SCNN1A: variants seen among roughly 807,000 people sequenced by gnomAD.
The protein encoded by SCNN1A is epithelial sodium channel subunit alpha.
In SCNN1A, 65 loss-of-function variants were observed where a neutral mutation model predicts 68.6. That is an observed-to-expected ratio of 0.95 (90% CI 0.78 to 1.16). SCNN1A has a LOEUF of 1.16. Among genes scored for constraint, SCNN1A ranks in the 50% most tolerant of loss-of-function variants. The pLI is 0.00. For synonymous variants in SCNN1A, 357 were observed against 353.3 expected (o/e 1.01, Z -0.12); for missense variants, 880 against 865.9 (o/e 1.02, Z -0.20).
At chr12:6,356,099 A>C in intron 4 of SCNN1A, 2 of 603,236 alleles carry the variant, frequency 3.3e-6, no homozygotes, top group Non-Finnish European at 3.0e-6. Flanking sequence ...TGAGAGTCTC[A>C]TCCTCATATC....
At position 6,372,402 on chromosome 12, in the gene SCNN1A, C is replaced by T. The variant is rs1948809464; in HGVS notation, c.416+1966G>A. 6.6e-6 allele frequency among the ~76,000 whole-genome samples: 1 copy of T among 152,172 alleles called. No individual in the cohort carries two copies. Among genetic ancestry groups the T allele is most frequent in the African/African-American group, 2.4e-5 (1 of 41,444 alleles). On this transcript the variant is annotated intron_variant, in intron 2 of 12. Coordinates refer to ENST00000228916, the MANE Select transcript of SCNN1A (RefSeq NM_001038.6). The surrounding 1 kb of genome is among the most constrained non-coding windows in gnomAD (Gnocchi z 5.8). Reference sequence around the variant, plus strand: ...TGTGCTGGGGAGCCCTTCCCCGACTCCTCTCCTCTCCTAGGTGTTCTCTCC... The same window carrying T: ...TGTGCTGGGGAGCCCTTCCCCGACTTCTCTCCTCTCCTAGGTGTTCTCTCC...
At chr12:6,361,094 A>G (rs7956915) in intron 4 of SCNN1A, among the ~76,000 whole-genome samples, 79,634 of 152,146 alleles carry the variant, frequency 0.52, 21,164 homozygotes, top group South Asian at 0.66. Flanking sequence ...GTGCCAAAGG[A>G]GCATGGATTA....
At chr12:6,350,693 C>T (rs1007055378) in intron 8 of SCNN1A, among the ~76,000 whole-genome samples, 1 of 151,752 alleles carries the variant, frequency 6.6e-6, no homozygotes, top group Non-Finnish European at 1.5e-5. Context: ...AAAAATTAGT[C>T]GGGTGTGGTG....
chr12:6,374,154 G>A lies in SCNN1A; in HGVS notation c.416+214C>T, dbSNP rs907916518. On this transcript the variant is annotated intron_variant, in intron 2 of 12. Coordinates refer to ENST00000228916, the MANE Select transcript of SCNN1A (RefSeq NM_001038.6). The surrounding 1 kb of genome is among the most constrained non-coding windows in gnomAD (Gnocchi z 6.2). ...TGCTGCTCCAACAACCACACTCTGG[G>A]TGAGCCTGGGGTGCTAGGATGGCTC... Among the ~76,000 whole-genome samples the A allele has an allele frequency of 5.9e-5, 9 of 152,220 alleles. No homozygotes were observed. Among genetic ancestry groups the A allele is most frequent in the Non-Finnish European group, 1.3e-4 (9 of 68,026 alleles).
chr12:6,349,223 T>C lies in SCNN1A; in HGVS notation c.1440-2A>G, dbSNP rs1219277086. On this transcript the variant is annotated splice_acceptor_variant, in intron 9 of 12. Coordinates refer to ENST00000228916, the MANE Select transcript of SCNN1A (RefSeq NM_001038.6). LOFTEE classifies it high-confidence loss of function. ...GCAGAGAGCTGGTAGCTGGTCACGC[T>C]GGGGATGGAGAAAGGTGCTCAGTGT... The C allele has an allele frequency of 6.2e-7, 1 of 1,614,102 alleles. No individual in the cohort carries two copies. Among genetic ancestry groups the C allele is most frequent in the Admixed American group, 1.7e-5 (1 of 60,020 alleles).
At chr12:6,354,396 C>A (rs749462032) in intron 8 of SCNN1A, 42 bp downstream of exon 8, 11 of 1,349,950 alleles carry the variant, frequency 8.1e-6, no homozygotes, top group South Asian at 1.2e-5. Context: ...TCAGTGAGTA[C>A]TGGGGTCAGT....
Position 6,363,619 on chromosome 12 carries a change from G to A in SCNN1A, c.508C>T (p.Leu170Phe). ...CGACGGCTGCGGGAGCCGGCCACGA[G>A]AGTGGTGAAGGAGCTGTATTTGTAC... ...DLYKYSSFTTLVAGSRSRRDL... is the reference protein window; with the variant it reads ...DLYKYSSFTTFVAGSRSRRDL... Residue 170 changes from leucine (L) to phenylalanine (F), a missense_variant, in exon 3 of 13, where the codon CTC becomes TTC. By Grantham distance (22) the Leu-to-Phe change is conservative. Coordinates refer to ENST00000228916, the MANE Select transcript of SCNN1A (RefSeq NM_001038.6). The A allele has an allele frequency of 1.2e-6, 2 of 1,613,336 alleles. No homozygotes were observed. The highest frequency in any genetic ancestry group is 1.7e-6 in the Non-Finnish European group (2 of 1,179,644).
Position 6,374,523 on chromosome 12 carries a change from C to G in SCNN1A, c.261G>C (p.Trp87Cys). 6.2e-7 allele frequency: 1 copy of G among 1,614,188 alleles called. No homozygotes were observed. The highest frequency in any genetic ancestry group is 8.5e-7 in the Non-Finnish European group (1 of 1,180,046). The change falls in exon 2 of 13, where the codon TGG becomes TGC. Residue 87 changes from tryptophan to cysteine, a missense_variant. By Grantham distance (215) the Trp-to-Cys change is radical. This residue lies in a region of SCNN1A where 45 missense variants were observed against 76.7 expected (regional missense o/e 0.59). Transcript: ENST00000228916. The surrounding 1 kb of genome is among the most constrained non-coding windows in gnomAD (Gnocchi z 6.2). Reference sequence around the variant, plus strand: ...CAAAGGTGCAGAGCCACAGCACTGCCCAGAAGGCCGTCTTCATGCGGTTGT... The same window carrying G: ...CAAAGGTGCAGAGCCACAGCACTGCGCAGAAGGCCGTCTTCATGCGGTTGT... Reference protein sequence around the residue: ...SQHNRMKTAFWAVLWLCTFGM... With the variant: ...SQHNRMKTAFCAVLWLCTFGM...
At chr12:6,370,724 C>A (rs539085325) in intron 2 of SCNN1A, among the ~76,000 whole-genome samples, 1 of 152,204 alleles carries the variant, frequency 6.6e-6, no homozygotes, top group South Asian at 2.1e-4. Flanking sequence ...GCAGGGACGG[C>A]CTCCCTAGCT....
chr12:6,361,660 T>C (rs1486490484), intron 4 of SCNN1A, among the ~76,000 whole-genome samples: 6 of 152,144 alleles, frequency 3.9e-5, no homozygotes, highest in Non-Finnish European at 7.4e-5. Context: ...GGAGAATTGC[T>C]TGACCCCAGG....
rs1008633896 is a variant in SCNN1A at position 6,374,194 on chromosome 12, G to A, written c.416+174C>T. ...TAGGATGGCTCCACTGGGCAGGGACGCCAGTCCAGTAAGCTGGAGGCTCCT... is the reference window on the plus strand; with the variant it reads ...TAGGATGGCTCCACTGGGCAGGGACACCAGTCCAGTAAGCTGGAGGCTCCT... On this transcript the variant is annotated intron_variant, in intron 2 of 12. Transcript: ENST00000228916. The surrounding 1 kb of genome is among the most constrained non-coding windows in gnomAD (Gnocchi z 6.2). Among the ~76,000 whole-genome samples, 1 of 152,164 alleles carries A rather than the reference G, an allele frequency of 6.6e-6. No homozygotes were observed. Among genetic ancestry groups the A allele is most frequent in the Non-Finnish European group, 1.5e-5 (1 of 68,018 alleles).
At position 6,374,770 on chromosome 12, in the gene SCNN1A, T is replaced by G; in HGVS notation, c.14A>C (p.Lys5Thr). 1 of 1,614,006 alleles carries G rather than the reference T, an allele frequency of 6.2e-7. No individual in the cohort carries two copies. The highest frequency in any genetic ancestry group is 8.5e-7 in the Non-Finnish European group (1 of 1,179,968). Residue 5 changes from lysine (K) to threonine (T), a missense_variant, in exon 2 of 13, where the codon AAG (lysine) becomes ACG (threonine). Lys to Thr is a moderately conservative substitution (Grantham distance 78, BLOSUM62 -1). This residue lies in a region of SCNN1A where 77 missense variants were observed against 67.4 expected (regional missense o/e 1.14). Transcript: ENST00000228916. The surrounding 1 kb of genome is among the most constrained non-coding windows in gnomAD (Gnocchi z 6.2). MEGN[K>T]LEEQDSSPPQ... ...AGGGCTAGAGTCCTGCTCCTCCAGCTTGTTCCCCTCCATGAGACCTGGTAT... is the reference window on the plus strand; with the variant it reads ...AGGGCTAGAGTCCTGCTCCTCCAGCGTGTTCCCCTCCATGAGACCTGGTAT...
intron 8 of SCNN1A, among the ~76,000 whole-genome samples, chr12:6,352,072 T>C (rs978935401): frequency 6.6e-6 from 1 of 152,164 alleles, no homozygotes; most frequent in African/African-American, 2.4e-5. Flanking sequence ...AGGGTTTCTT[T>C]TGGGAACACT....
chr12:6,356,074 C>G (rs1013667275), intron 4 of SCNN1A, 194 bp from the exon 5 acceptor site: 6 of 638,402 alleles, frequency 9.4e-6, no homozygotes, highest in Non-Finnish European at 1.7e-5. Flanking sequence ...CTCAGTCACT[C>G]CAACCAACAG....
chr12:6,348,275 G>A (rs1435500676), intron 12 of SCNN1A, 22 bp from the exon 13 acceptor site: 1 of 1,613,740 alleles, frequency 6.2e-7, no homozygotes, highest in Non-Finnish European at 8.5e-7. Flanking sequence ...GAGGTACATT[G>A]ACGATGGGAC....
intron 2 of SCNN1A, among the ~76,000 whole-genome samples, chr12:6,367,174 G>T (rs1948695084): frequency 6.6e-6 from 1 of 152,050 alleles, no homozygotes; most frequent in Admixed American, 6.6e-5. Flanking sequence ...GGAGTTTGAG[G>T]CTACAGTGAG....
upstream of SCNN1A, chr12:6,377,341 A>C: frequency 7.4e-7 from 1 of 1,351,730 alleles, no homozygotes; most frequent in Non-Finnish European, 1.0e-6. Flanking sequence ...TCCCAAGGAT[A>C]AATCAGTTTT....
intron 11 of SCNN1A, 46 bp downstream of exon 11, chr12:6,348,904 C>T (rs755851240): frequency 1.2e-6 from 2 of 1,609,900 alleles, no homozygotes; most frequent in Non-Finnish European, 1.7e-6. Context: ...TCTATTTTCC[C>T]TCCCAAAGAT....
Position 6,366,958 on chromosome 12 carries a change from G to A in SCNN1A, c.417-3248C>T, listed in dbSNP as rs955961966. On this transcript the variant is annotated intron_variant, in intron 2 of 12. Transcript: ENST00000228916. ...CTGCTAATTAAAAGAATGGTAATCT[G>A]CGGGGCATGGTGGCTCACACCTGTA... 1.1e-4 allele frequency among the ~76,000 whole-genome samples: 16 copies of A among 152,316 alleles called. No homozygotes were observed. In the South Asian group the frequency reaches 2.3e-3, roughly 22 times the overall value.
Sources: allele counts gnomAD v4.1 joint callset (sites outside exome capture counted in the v4.1 genomes callset), GRCh38; gene constraint gnomAD v4.1.1; regional missense constraint gnomAD v4.1.1; non-coding constraint Gnocchi (gnomAD v3.1); transcripts MANE v1.5; gene names NCBI Gene and HGNC (gene_info 2026-07-23, HGNC 2026-07-21).